The following CYP27B1 variants were observed in gnomAD, a reference collection of about 807,000 sequenced individuals.
CYP27B1 encodes the protein 25-hydroxyvitamin D-1 alpha hydroxylase, mitochondrial.
Under a neutral mutation model 54.8 loss-of-function variants are expected in CYP27B1, and 46 were observed. That is an observed-to-expected ratio of 0.84 (90% CI 0.66 to 1.07). The LOEUF is 1.07. CYP27B1 is among the 50% of genes least tolerant of loss of function. The pLI, the probability that CYP27B1 is intolerant of heterozygous loss-of-function variation, is 0.00. For missense variants in CYP27B1, 674 were observed against 692.2 expected (o/e 0.97, Z 0.30); for synonymous variants, 292 against 297.3 (o/e 0.98, Z 0.18).
chr12:57,763,080 T>A lies in CYP27B1; in HGVS notation c.*62A>T, dbSNP rs1404441885. On this transcript the variant is annotated 3_prime_UTR_variant, in exon 9 of 9. Transcript: ENST00000228606. ...AAGATGTATACCTTGGTCTTGTGCC[T>A]ACAAAAAATCTTATCCCTATGATGA... 4.9e-6 allele frequency: 6 copies of A among 1,231,042 alleles called. No individual in the cohort carries two copies. Among genetic ancestry groups the A allele is most frequent in the Non-Finnish European group, 7.1e-6 (6 of 842,126 alleles). 76.3% of individuals were successfully genotyped at this position (1,231,042 alleles called of 1,614,324 possible). A position where few individuals can be genotyped will look rare whatever the true frequency, so the allele number is the denominator to read the frequency against.
In CYP27B1 at chr12:57,763,075, G is replaced by A. The variant is rs1955331229; in HGVS notation, c.*67C>T. 1 of 1,138,994 alleles carries A rather than the reference G, an allele frequency of 8.8e-7. No individual in the cohort carries two copies. The highest frequency in any genetic ancestry group is 1.5e-5 in the African/African-American group (1 of 65,670). The allele number at this position is 1,138,994 out of a possible 1,614,324, so 70.6% of individuals were successfully genotyped here. ...AGGGGAAGATGTATACCTTGGTCTT[G>A]TGCCTACAAAAAATCTTATCCCTAT... is the stretch of plus-strand genomic sequence containing the variant. On this transcript the variant is annotated 3_prime_UTR_variant, in exon 9 of 9. Coordinates refer to ENST00000228606, the MANE Select transcript of CYP27B1 (RefSeq NM_000785.4).
At position 57,762,336 on chromosome 12, in the gene CYP27B1, A is replaced by C. The variant is rs1432020240; in HGVS notation, c.*806T>G. 3 of 152,400 alleles carry C rather than the reference A, an allele frequency of 2.0e-5. No homozygotes were observed. In the East Asian group the frequency reaches 5.8e-4, roughly 29 times the overall value. The allele number at this position is 152,400 out of a possible 1,614,324, so 9.4% of individuals were successfully genotyped here. A position where few individuals can be genotyped will look rare whatever the true frequency, so the allele number is the denominator to read the frequency against. ...AATATGAGAGAAATAAGTCAAAATC[A>C]AGAATGGAATATTTGATTTATTCTA... On this transcript the variant is annotated 3_prime_UTR_variant, in exon 9 of 9. Transcript: ENST00000228606.
In CYP27B1 at chr12:57,764,593, C is replaced by A. The variant is rs184277621; in HGVS notation, c.964-43G>T. ...GCAAGAGAGGTGTTGGGTGTGAGAACCCAGCAGAGGGTGCAGATTATGGAA... is the reference window on the plus strand; with the variant it reads ...GCAAGAGAGGTGTTGGGTGTGAGAAACCAGCAGAGGGTGCAGATTATGGAA... On this transcript the variant is annotated intron_variant, in intron 5 of 8. Transcript: ENST00000228606. 836 of 1,610,130 alleles carry A rather than the reference C, an allele frequency of 5.2e-4. 4 individuals are homozygous for A. In the African/African-American group the frequency reaches 9.7e-3, roughly 19 times the overall value.
chr12:57,763,998 GGA>G (rs769422504), intron 7 of CYP27B1, 98 bp downstream of exon 7: 1 of 1,130,332 alleles, frequency 8.8e-7, no homozygotes, highest in Non-Finnish European at 1.3e-6. Context: ...GGGGTCAAGG[GGA>G]GTGTTTGAAG....
At position 57,765,038 on chromosome 12, in the gene CYP27B1, G is replaced by A. The variant is rs374481894; in HGVS notation, c.763C>T (p.Arg255Ter). 1.9e-6 allele frequency: 3 copies of A among 1,613,726 alleles called. No individual in the cohort carries two copies. The highest frequency in any genetic ancestry group is 2.2e-5 in the East Asian group (1 of 44,904). Residue 255 changes from arginine (R) to a stop codon, truncating the protein, a stop_gained, in exon 4 of 9, where the codon CGA (arginine) becomes TGA (stop). Coordinates refer to ENST00000228606, the MANE Select transcript of CYP27B1 (RefSeq NM_000785.4). LOFTEE classifies it high-confidence loss of function. This position sits in a 1 kb window ranked among gnomAD's most constrained non-coding sequence, Gnocchi z 5.8. ...AATGCAAACATCTGGTCCCAGTCTC[G>A]GCAGAGGCGGCCCCAGGGCCCAGGC... Reference protein sequence around the residue: ...LVPGPWGRLCRDWDQMFAFAQ... With the variant: ...LVPGPWGRLC
rs1463653175 is a variant in CYP27B1, at chr12:57,766,970, G to A, written c.72C>T (p.Ser24=). ...CTGAGTGGTACTCTCGGTAGCCTAGGGAGGCGCCCAACTCGGGCGCCCAGC... is the reference window on the plus strand; with the variant it reads ...CTGAGTGGTACTCTCGGTAGCCTAGAGAGGCGCCCAACTCGGGCGCCCAGC... ...RVRWAPELGA[S]LGYREYHSAR... The change falls in exon 1 of 9, where the codon TCC becomes TCT. Residue 24 remains serine, a synonymous_variant. Coordinates refer to ENST00000228606, the MANE Select transcript of CYP27B1 (RefSeq NM_000785.4). 1.2e-6 allele frequency: 2 copies of A among 1,614,206 alleles called. No homozygotes were observed. The highest frequency in any genetic ancestry group is 1.7e-6 in the Non-Finnish European group (2 of 1,180,020).
Position 57,763,165 on chromosome 12 carries a change from T to G in CYP27B1, c.1504A>C (p.Asn502His). ...GACTATCTGTCCAAAAACTGTAGGT[T>G]GATGCTCCTTTCAGGTACCAGGACA... ...RTVLVPERSINLQFLDR is the reference protein window; with the variant it reads ...RTVLVPERSIHLQFLDR Residue 502 changes from asparagine (N) to histidine (H), a missense_variant, in exon 9 of 9, where the codon AAC (asparagine) becomes CAC (histidine). Coordinates refer to ENST00000228606, the MANE Select transcript of CYP27B1 (RefSeq NM_000785.4). The G allele has an allele frequency of 1.9e-6, 3 of 1,613,928 alleles. No homozygotes were observed. Among genetic ancestry groups the G allele is most frequent in the Non-Finnish European group, 2.5e-6 (3 of 1,179,758 alleles).
chr12:57,766,951 G>C lies in CYP27B1; in HGVS notation c.91C>G (p.His31Asp). Residue 31 changes from histidine to aspartate, a missense_variant, in exon 1 of 9, where the codon CAC becomes GAC. Coordinates refer to ENST00000228606, the MANE Select transcript of CYP27B1 (RefSeq NM_000785.4). ...LGASLGYREY[H>D]SARRSLADIP... is the part of the protein sequence containing the mutation. ...TCTGCCAAGCTCCGGCGTGCTGAGT[G>C]GTACTCTCGGTAGCCTAGGGAGGCG... 1 of 1,614,228 alleles carries C rather than the reference G, an allele frequency of 6.2e-7. No homozygotes were observed. The highest frequency in any genetic ancestry group is 8.5e-7 in the Non-Finnish European group (1 of 1,180,036).
In CYP27B1 at chr12:57,766,077, C is replaced by A. The variant is rs756300813; in HGVS notation, c.316G>T (p.Glu106Ter). Residue 106 changes from glutamate to a stop codon, truncating the protein, a stop_gained, in exon 2 of 9, where the codon GAG becomes TAG. Coordinates refer to ENST00000228606, the MANE Select transcript of CYP27B1 (RefSeq NM_000785.4). LOFTEE classifies it high-confidence loss of function. ...ELLRQEGPRP[E>*]RCSFSPWTEH... ...GTCCAGGGCGAGAAGCTGCAGCGCT[C>A]GGGCCGGGGTCCCTCCTGTCGCAGC... is the stretch of plus-strand genomic sequence containing the variant. 2 of 1,552,022 alleles carry A rather than the reference C, an allele frequency of 1.3e-6. No individual in the cohort carries two copies. Among genetic ancestry groups the A allele is most frequent in the East Asian group, 2.4e-5 (1 of 42,054 alleles).
chr12:57,763,661 A>T lies in CYP27B1; in HGVS notation c.1363T>A (p.Cys455Ser). The change falls in exon 8 of 9, where the codon TGT becomes AGT. Residue 455 changes from cysteine (C) to serine (S), a missense_variant. Transcript: ENST00000228606. ...SLPFGFGKRS[C>S]MGRRLAELEL... ...AGCTCTGCCAGGCGTCTCCCCATAC[A>T]GCTGCGCTTGCCAAAGCCAAAGGGA... The T allele has an allele frequency of 1.9e-6, 3 of 1,611,894 alleles. No homozygotes were observed. Among genetic ancestry groups the T allele is most frequent in the Non-Finnish European group, 2.5e-6 (3 of 1,178,970 alleles).
At position 57,764,934 on chromosome 12, in the gene CYP27B1, G is replaced by C. The variant is rs777699465; in HGVS notation, c.791-8C>G. ...GCTCCACGTGCCTCTGAGCTGCGTG[G>C]GTAGAAGGCACGTGAATACCTCGCT... is the stretch of plus-strand genomic sequence containing the variant. On this transcript the variant is annotated splice_polypyrimidine_tract_variant and splice_region_variant and intron_variant, in intron 4 of 8. Transcript: ENST00000228606. The C allele has an allele frequency of 6.2e-7, 1 of 1,614,096 alleles. No homozygotes were observed. The highest frequency in any genetic ancestry group is 8.5e-7 in the Non-Finnish European group (1 of 1,180,024).
At position 57,766,901 on chromosome 12, in the gene CYP27B1, G is replaced by A; in HGVS notation, c.141C>T (p.Ser47=). 6.2e-7 allele frequency: 1 copy of A among 1,614,218 alleles called. No homozygotes were observed. Among genetic ancestry groups the A allele is most frequent in the South Asian group, 1.1e-5 (1 of 91,088 alleles). Reference sequence around the variant, plus strand: ...CCTTGCAGAAAAGTTCGGCCAGAAAGCTGGGCGTAGAGGGGCCTGGGATGT... The same window carrying A: ...CCTTGCAGAAAAGTTCGGCCAGAAAACTGGGCGTAGAGGGGCCTGGGATGT... ...LADIPGPSTP[S]FLAELFCKGG... Residue 47 remains serine (S), a synonymous_variant, in exon 1 of 9, where the codon AGC becomes AGT. Coordinates refer to ENST00000228606, the MANE Select transcript of CYP27B1 (RefSeq NM_000785.4).
Position 57,765,237 on chromosome 12 carries a change from G to A in CYP27B1, c.590-26C>T, listed in dbSNP as rs781643975. 1 of 1,611,510 alleles carries A rather than the reference G, an allele frequency of 6.2e-7. No individual in the cohort carries two copies. Among genetic ancestry groups the A allele is most frequent in the Non-Finnish European group, 8.5e-7 (1 of 1,179,114 alleles). On this transcript the variant is annotated intron_variant, in intron 3 of 8. Coordinates refer to ENST00000228606, the MANE Select transcript of CYP27B1 (RefSeq NM_000785.4). This position sits in a 1 kb window ranked among gnomAD's most constrained non-coding sequence, Gnocchi z 5.8. ...CTTGTCGGGAGGGGGCGCCGTCAGGGTTCCGGGAGGCTCTGGTAGGGCGCC... is the reference window on the plus strand; with the variant it reads ...CTTGTCGGGAGGGGGCGCCGTCAGGATTCCGGGAGGCTCTGGTAGGGCGCC...
Position 57,766,172 on chromosome 12 carries a change from GGCCC to G in CYP27B1, c.217_220del (p.Gly73ArgfsTer4). 6.5e-7 allele frequency: 1 copy of G among 1,543,762 alleles called. No homozygotes were observed. Among genetic ancestry groups the G allele is most frequent in the Admixed American group, 2.0e-5 (1 of 51,278 alleles). On this transcript the variant is annotated frameshift_variant, in exon 2 of 9. Coordinates refer to ENST00000228606, the MANE Select transcript of CYP27B1 (RefSeq NM_000785.4). LOFTEE classifies it high-confidence loss of function. ...TGTCCCAAAGCTGGCTAGCCACACCGGCCCGAAGTGCGCGGCGCCCTGCACCTGG... is the reference window on the plus strand; with the variant it reads ...TGTCCCAAAGCTGGCTAGCCACACCGGAAGTGCGCGGCGCCCTGCACCTGG...
Position 57,764,463 on chromosome 12 carries a change from G to A in CYP27B1, c.1051C>T (p.Leu351=). Residue 351 remains leucine (L), a synonymous_variant, in exon 6 of 9, where the codon CTG becomes TTG. Transcript: ENST00000228606. ...TALHSEITAA[L]SPGSSAYPSA... ...GGGTAGGCACTGGAGCCAGGGCTCA[G>A]GGCAGCTGTGATCTCTGAGTGGAGT... 1 of 1,614,236 alleles carries A rather than the reference G, an allele frequency of 6.2e-7. No homozygotes were observed. The highest frequency in any genetic ancestry group is 2.2e-5 in the East Asian group (1 of 44,874).
Position 57,765,031 on chromosome 12 carries a change from C to G in CYP27B1, c.770G>C (p.Trp257Ser). The change falls in exon 4 of 9, where the codon TGG becomes TCG. Residue 257 changes from tryptophan to serine, a missense_variant. Physicochemically the swap from Trp to Ser is radical, Grantham distance 177. Coordinates refer to ENST00000228606, the MANE Select transcript of CYP27B1 (RefSeq NM_000785.4). This position sits in a 1 kb window ranked among gnomAD's most constrained non-coding sequence, Gnocchi z 5.8. ...CTTACCAAATGCAAACATCTGGTCC[C>G]AGTCTCGGCAGAGGCGGCCCCAGGG... ...PGPWGRLCRD[W>S]DQMFAFAQRH... 1 of 1,613,900 alleles carries G rather than the reference C, an allele frequency of 6.2e-7. No individual in the cohort carries two copies. The highest frequency in any genetic ancestry group is 8.5e-7 in the Non-Finnish European group (1 of 1,180,040).
chr12:57,765,325 C>T lies in CYP27B1; in HGVS notation c.561G>A (p.Ala187=), dbSNP rs773153213. 2.5e-6 allele frequency: 4 copies of T among 1,613,334 alleles called. No homozygotes were observed. In the Admixed American group the frequency reaches 6.7e-5, roughly 27 times the overall value. Reference sequence around the variant, plus strand: ...CCAGTCCGAACTTGTAAAATTCCCCCGCCACGTCCCGAACCAGGGCGGGCG... The same window carrying T: ...CCAGTCCGAACTTGTAAAATTCCCCTGCCACGTCCCGAACCAGGGCGGGCG... ...TGPPALVRDV[A]GEFYKFGLEG... is the part of the protein sequence containing the mutation. The change falls in exon 3 of 9, where the codon GCG becomes GCA. Residue 187 remains alanine, a synonymous_variant. Coordinates refer to ENST00000228606, the MANE Select transcript of CYP27B1 (RefSeq NM_000785.4). The surrounding 1 kb of genome is among the most constrained non-coding windows in gnomAD (Gnocchi z 5.8).
Position 57,765,874 on chromosome 12 carries a change from G to C in CYP27B1, c.386+133C>G. ...GTGTGGGTGAAGCAGACTGGGATGG[G>C]AACCCCAAGATGCCCAATGGTAGAG... On this transcript the variant is annotated intron_variant, in intron 2 of 8. Coordinates refer to ENST00000228606, the MANE Select transcript of CYP27B1 (RefSeq NM_000785.4). The surrounding 1 kb of genome is among the most constrained non-coding windows in gnomAD (Gnocchi z 5.8). 2.1e-6 allele frequency: 3 copies of C among 1,423,542 alleles called. No individual in the cohort carries two copies. Among genetic ancestry groups the C allele is most frequent in the Non-Finnish European group, 2.8e-6 (3 of 1,087,694 alleles). 88.2% of individuals were successfully genotyped at this position (1,423,542 alleles called of 1,614,324 possible). A position where few individuals can be genotyped will look rare whatever the true frequency, so the allele number is the denominator to read the frequency against.
chr12:57,765,807 G>T lies in CYP27B1; in HGVS notation c.386+200C>A. On this transcript the variant is annotated intron_variant, in intron 2 of 8. Transcript: ENST00000228606. The surrounding 1 kb of genome is among the most constrained non-coding windows in gnomAD (Gnocchi z 5.8). Reference sequence around the variant, plus strand: ...AGTTCCCAGGATTCGGGCCTCAAAGGATAAGGAGGTAGGCGGGGAGTGAGG... The same window carrying T: ...AGTTCCCAGGATTCGGGCCTCAAAGTATAAGGAGGTAGGCGGGGAGTGAGG... The T allele has an allele frequency of 9.2e-7, 1 of 1,090,242 alleles. No homozygotes were observed. Among genetic ancestry groups the T allele is most frequent in the Non-Finnish European group, 1.3e-6 (1 of 781,958 alleles). The allele number at this position is 1,090,242 out of a possible 1,614,324, so 67.5% of individuals were successfully genotyped here.
Sources: gnomAD v4.1 joint callset for allele counts on GRCh38, gnomAD v4.1.1 for gene constraint, Gnocchi (gnomAD v3.1) non-coding constraint, MANE v1.5 for transcripts, NCBI Gene and HGNC (gene_info 2026-07-23, HGNC 2026-07-21) for gene names.